Variants in DPCD observed in about 807,000 individuals in gnomAD.
The protein encoded by DPCD is protein DPCD.
A neutral mutation model predicts 26.4 loss-of-function variants in DPCD; 20 were observed. The ratio of observed to expected loss-of-function variants is 0.76; its 90% CI spans 0.53 to 1.10. The LOEUF (loss-of-function observed/expected upper bound fraction) is 1.10, where lower values mean the gene tolerates loss of function less well. DPCD is among the 50% of genes least tolerant of loss of function. The probability of loss-of-function intolerance (pLI) is 0.00; values close to 1 mark genes in which losing one functional copy is unlikely to be tolerated. For synonymous variants in DPCD, 97 were observed against 94.2 expected (o/e 1.03, Z -0.17); for missense variants, 202 against 253.9 (o/e 0.80, Z 1.39).
At chr10:101,602,252 A>G (rs908307709) in intron 4 of DPCD, among the ~76,000 whole-genome samples, 1 of 152,204 alleles carries the variant, frequency 6.6e-6, no homozygotes, top group Non-Finnish European at 1.5e-5. Context: ...CTTGCTTTAC[A>G]TGCAGTAATG....
chr10:101,609,347 A>G lies in DPCD; in HGVS notation c.508-20A>G. On this transcript the variant is annotated intron_variant, in intron 5 of 5. Coordinates refer to ENST00000370151, the MANE Select transcript of DPCD (RefSeq NM_015448.3). ...GGGACAGTGACTGAATTATTTTCTT[A>G]TTCCTGGCTGCATCCACAGTACCAG... 6.2e-7 allele frequency: 1 copy of G among 1,612,620 alleles called. No homozygotes were observed. The highest frequency in any genetic ancestry group is 8.5e-7 in the Non-Finnish European group (1 of 1,178,858).
chr10:101,607,228 G>T (rs2063738636), intron 4 of DPCD, among the ~76,000 whole-genome samples: 1 of 152,168 alleles, frequency 6.6e-6, no homozygotes, highest in Admixed American at 6.6e-5. Context: ...TCTAATCTCT[G>T]CTGTTTAACC....
chr10:101,596,334 C>T (rs562382144), intron 2 of DPCD, among the ~76,000 whole-genome samples: 13 of 152,266 alleles, frequency 8.5e-5, no homozygotes, highest in South Asian at 2.1e-4. Flanking sequence ...AAGTGCTCTA[C>T]GTGAATTACC....
intron 1 of DPCD, among the ~76,000 whole-genome samples, chr10:101,590,812 C>T (rs778399713): frequency 6.6e-6 from 1 of 152,166 alleles, no homozygotes; most frequent in Non-Finnish European, 1.5e-5. Flanking sequence ...CTGGCAACCA[C>T]CATTCTACTT....
rs780393185 is a variant in DPCD, at chr10:101,601,215, C to T, written c.283C>T (p.Arg95Cys). The T allele has an allele frequency of 7.4e-6, 12 of 1,613,614 alleles. No homozygotes were observed. The highest frequency in any genetic ancestry group is 4.5e-5 in the East Asian group (2 of 44,786). ...TTGCCTTCTGCAGCCTATCTTCATG[C>T]GCAAGGACACCAAGATGAGTTTCCA... The part of the protein sequence containing the change: ...KESNANPIFM[R>C]KDTKMSFQWR... The change falls in exon 4 of 6, where the codon CGC (arginine) becomes TGC (cysteine). Residue 95 changes from arginine (R) to cysteine (C), a missense_variant. Arg to Cys is a radical substitution (Grantham distance 180). Coordinates refer to ENST00000370151, the MANE Select transcript of DPCD (RefSeq NM_015448.3).
chr10:101,604,508 T>G (rs571211412), intron 4 of DPCD, among the ~76,000 whole-genome samples: 18 of 152,240 alleles, frequency 1.2e-4, no homozygotes, highest in Non-Finnish European at 2.4e-4. Context: ...AGGAATTGAT[T>G]GCAGTGTATC....
At chr10:101,606,262 A>G (rs1207092777) in intron 4 of DPCD, among the ~76,000 whole-genome samples, 1 of 152,080 alleles carries the variant, frequency 6.6e-6, no homozygotes, top group African/African-American at 2.4e-5. Context: ...CCTGGGTTCA[A>G]GTGACTCTCC....
rs150305701 is a variant in DPCD at position 101,588,547 on chromosome 10, A to AG, written c.64+149dup. On this transcript the variant is annotated intron_variant, in intron 1 of 5. Coordinates refer to ENST00000370151, the MANE Select transcript of DPCD (RefSeq NM_015448.3). The stretch of plus-strand genomic sequence containing the variant: ...CCTGCATTTGCAGATGAGGAGACTG[A>AG]GGTTCACAGAGATGACATGACTGGA... 3.4e-6 allele frequency: 5 copies of AG among 1,460,248 alleles called. No homozygotes were observed. The East Asian group carries it at 1.3e-4, about 37-fold the overall frequency. 90.5% of individuals were successfully genotyped at this position (1,460,248 alleles called of 1,614,324 possible).
At position 101,594,916 on chromosome 10, in the gene DPCD, T is replaced by C. The variant is rs146647984; in HGVS notation, c.145+178T>C. ...CATAATCTGGGCACCAAAAGTGGAATGCGAGTCCTTTTGACCAGTAAAATT... is the reference window on the plus strand; with the variant it reads ...CATAATCTGGGCACCAAAAGTGGAACGCGAGTCCTTTTGACCAGTAAAATT... On this transcript the variant is annotated intron_variant, in intron 2 of 5. Coordinates refer to ENST00000370151, the MANE Select transcript of DPCD (RefSeq NM_015448.3). Among the ~76,000 whole-genome samples, 12 of 152,090 alleles carry C rather than the reference T, an allele frequency of 7.9e-5. No homozygotes were observed. The East Asian group carries it at 1.7e-3, about 22-fold the overall frequency.
chr10:101,592,567 A>G (rs2063618190), intron 1 of DPCD, among the ~76,000 whole-genome samples: 1 of 152,140 alleles, frequency 6.6e-6, no homozygotes, highest in Non-Finnish European at 1.5e-5. Flanking sequence ...AAAGAAATTT[A>G]AAAATTAGCT....
chr10:101,597,505 C>G (rs1405002093), intron 2 of DPCD, among the ~76,000 whole-genome samples: 1 of 152,158 alleles, frequency 6.6e-6, no homozygotes, highest in Non-Finnish European at 1.5e-5. Flanking sequence ...CTTCTACTTT[C>G]CAGCCCACCT....
intron 4 of DPCD, among the ~76,000 whole-genome samples, chr10:101,608,488 G>T (rs987663365): frequency 1.3e-5 from 2 of 152,206 alleles, no homozygotes; most frequent in African/African-American, 2.4e-5. Context: ...GGCTTTGGGG[G>T]TAGAGGAGTC....
At chr10:101,604,347 A>C (rs772803138) in intron 4 of DPCD, among the ~76,000 whole-genome samples, 19 of 152,126 alleles carry the variant, frequency 1.2e-4, no homozygotes, top group Non-Finnish European at 2.5e-4. Flanking sequence ...ACATCATGGC[A>C]TTTCTCTCTG....
At chr10:101,599,337 C>T (rs1367018353) in intron 2 of DPCD, among the ~76,000 whole-genome samples, 3 of 152,196 alleles carry the variant, frequency 2.0e-5, no homozygotes, top group Non-Finnish European at 4.4e-5. Context: ...TTTGGATATA[C>T]TCCTGGTCAC....
intron 2 of DPCD, 88 bp downstream of exon 2, chr10:101,594,826 A>G (rs747182998): frequency 1.5e-5 from 19 of 1,264,810 alleles, no homozygotes; most frequent in Admixed American, 1.4e-4. Context: ...GGCTTGAGGT[A>G]GGAGCCCAGA....
At chr10:101,588,564 A>G in intron 1 of DPCD, 164 bp downstream of exon 1, 2 of 1,445,040 alleles carry the variant, frequency 1.4e-6, no homozygotes, top group Non-Finnish European at 9.1e-7. Context: ...CAGAGATGAC[A>G]TGACTGGAAC....
intron 4 of DPCD, among the ~76,000 whole-genome samples, chr10:101,608,533 T>G (rs2063748269): frequency 6.6e-6 from 1 of 152,312 alleles, no homozygotes; most frequent in Non-Finnish European, 1.5e-5. Context: ...GTTCCAGGCT[T>G]CTTCTGCCTG....
chr10:101,598,684 G>T (rs1239121060), intron 2 of DPCD, among the ~76,000 whole-genome samples: 1 of 135,218 alleles, frequency 7.4e-6, no homozygotes, highest in African/African-American at 2.8e-5. Flanking sequence ...GAGTGCAATG[G>T]CACAATCTCA....
In DPCD at chr10:101,600,715, C is replaced by A. The variant is rs1390302885; in HGVS notation, c.146-23C>A. On this transcript the variant is annotated intron_variant, in intron 2 of 5. Coordinates refer to ENST00000370151, the MANE Select transcript of DPCD (RefSeq NM_015448.3). The surrounding 1 kb of genome is among the most constrained non-coding windows in gnomAD (Gnocchi z 4.7). ...CTCATCCTGATGCTTGCTTCTCATCCCGATGCTTGCTTCTCTCCCCAGTGA... is the reference window on the plus strand; with the variant it reads ...CTCATCCTGATGCTTGCTTCTCATCACGATGCTTGCTTCTCTCCCCAGTGA... 6.3e-7 allele frequency: 1 copy of A among 1,585,910 alleles called. No individual in the cohort carries two copies.
Sources: allele counts gnomAD v4.1 joint callset (sites outside exome capture counted in the v4.1 genomes callset), GRCh38; gene constraint gnomAD v4.1.1; non-coding constraint Gnocchi (gnomAD v3.1); transcripts MANE v1.5; gene names NCBI Gene and HGNC (gene_info 2026-07-23, HGNC 2026-07-21).